The following RAG1 variants were observed in gnomAD, a reference collection of about 807,000 sequenced individuals.
RAG1 encodes recombination activating 1, also known as V(D)J recombination-activating protein 1.
In RAG1, 35 loss-of-function variants were observed where a neutral mutation model predicts 62.7. The ratio of observed to expected loss-of-function variants is 0.56; its 90% CI spans 0.43 to 0.74. The LOEUF (loss-of-function observed/expected upper bound fraction) is 0.74, where lower values mean the gene tolerates loss of function less well. Ranked by LOEUF, RAG1 falls within the 30% of genes least tolerant of loss-of-function variation. The pLI, the probability that RAG1 is intolerant of heterozygous loss-of-function variation, is 0.00. For synonymous variants in RAG1, 461 were observed against 470.3 expected, an observed-to-expected ratio of 0.98 and a Z score of 0.26; for missense variants, 1,169 against 1,278.6, an observed-to-expected ratio of 0.91 and a Z score of 1.31.
chr11:36,551,718 T>C (rs1850487844), intron 3 of RAG1, among the ~76,000 whole-genome samples: 1 of 143,256 alleles, frequency 7.0e-6, no homozygotes, highest in Non-Finnish European at 1.5e-5. Flanking sequence ...TAATGTGTCA[T>C]CTAGCATTAG....
In RAG1 at chr11:36,574,469, A is replaced by G; in HGVS notation, c.1165A>G (p.Ile389Val). The G allele has an allele frequency of 6.2e-7, 1 of 1,614,230 alleles. No individual in the cohort carries two copies. The highest frequency in any genetic ancestry group is 8.5e-7 in the Non-Finnish European group (1 of 1,180,038). The change falls in exon 2 of 2, where the codon ATT (isoleucine) becomes GTT (valine). Residue 389 changes from isoleucine (I) to valine (V), a missense_variant. Ile to Val is a conservative substitution (Grantham distance 29). This residue lies in a region of RAG1 where 800 missense variants were observed against 943.3 expected (regional missense o/e 0.85). Coordinates refer to ENST00000299440, the MANE Select transcript of RAG1 (RefSeq NM_000448.3). Reference sequence around the variant, plus strand: ...GGAATCAAAAGAGATTTTTGTGCACATTAATAAAGGGGGCCGGCCCCGCCA... The same window carrying G: ...GGAATCAAAAGAGATTTTTGTGCACGTTAATAAAGGGGGCCGGCCCCGCCA... ...HKESKEIFVH[I>V]NKGGRPRQHL...
chr11:36,521,252 C>A (rs1261185624), intron 2 of RAG1, among the ~76,000 whole-genome samples: 1 of 152,150 alleles, frequency 6.6e-6, no homozygotes, highest in African/African-American at 2.4e-5. Flanking sequence ...AGCCACTGCG[C>A]CTGGCCCAAA....
At chr11:36,570,603 C>T (rs891624458) in intron 1 of RAG1, among the ~76,000 whole-genome samples, 3 of 152,152 alleles carry the variant, frequency 2.0e-5, no homozygotes, top group African/African-American at 7.2e-5. Flanking sequence ...CCATACTATT[C>T]TTCATAGTGG....
chr11:36,575,747 A>G lies in RAG1; in HGVS notation c.2443A>G (p.Ile815Val). The stretch of plus-strand genomic sequence containing the variant: ...GTTCTACAAGATCTTCCAGCTAGAG[A>G]TAGGGGAAGTGTATAAGAATCCCAA... The part of the protein sequence containing the change: ...AEFYKIFQLE[I>V]GEVYKNPNAS... Residue 815 changes from isoleucine (I) to valine (V), a missense_variant, in exon 2 of 2, where the codon ATA (isoleucine) becomes GTA (valine). Ile to Val is a conservative substitution (Grantham distance 29, BLOSUM62 3). Around this residue, in one of 2 missense-constraint regions of RAG1, gnomAD observed 800 missense variants for 943.3 expected, o/e 0.85. Transcript: ENST00000299440. This position sits in a 1 kb window ranked among gnomAD's most constrained non-coding sequence, Gnocchi z 4.1. 1 of 1,614,216 alleles carries G rather than the reference A, an allele frequency of 6.2e-7. No individual in the cohort carries two copies. Among genetic ancestry groups the G allele is most frequent in the South Asian group, 1.1e-5 (1 of 91,088 alleles).
rs558234250 is a variant in RAG1, at chr11:36,520,380, C to T, written n.428+151C>T. On this transcript the variant is annotated intron_variant and non_coding_transcript_variant, in intron 2 of 2. Coordinates refer to the RAG1 transcript ENST00000529126. ...ATCTCCTGGGTTCAAGTGATTCTCC[C>T]GTCTCAGCCTCCCGAGTAGCTGGGA... 6.6e-5 allele frequency among the ~76,000 whole-genome samples: 10 copies of T among 152,002 alleles called. No homozygotes were observed. In the East Asian group the frequency reaches 1.5e-3, roughly 24 times the overall value.
downstream of RAG1, among the ~76,000 whole-genome samples, chr11:36,540,560 A>T (rs1860401197): frequency 6.6e-6 from 1 of 151,926 alleles, no homozygotes; most frequent in East Asian, 1.9e-4. Flanking sequence ...GCCCGCCACC[A>T]CGCATGGCTA....
intron 1 of RAG1, among the ~76,000 whole-genome samples, chr11:36,517,653 G>C (rs1483097473): frequency 6.6e-6 from 1 of 152,154 alleles, no homozygotes; most frequent in African/African-American, 2.4e-5. Flanking sequence ...ATATGGTGTG[G>C]TCGTTAATAC....
intron 1 of RAG1, among the ~76,000 whole-genome samples, chr11:36,568,895 G>C (rs369426827): frequency 6.6e-6 from 1 of 152,170 alleles, no homozygotes; most frequent in South Asian, 2.1e-4. Flanking sequence ...TTATAAAAAG[G>C]CTTTTTATTT....
rs199474690 is a variant in RAG1 at position 36,575,868 on chromosome 11, A to G, written c.2564A>G (p.Asn855Ser). 1.2e-6 allele frequency: 2 copies of G among 1,614,218 alleles called. No homozygotes were observed. Among genetic ancestry groups the G allele is most frequent in the Non-Finnish European group, 1.7e-6 (2 of 1,180,046 alleles). Residue 855 changes from asparagine (N) to serine (S), a missense_variant, in exon 2 of 2, where the codon AAC (asparagine) becomes AGC (serine). By Grantham distance (46) the Asn-to-Ser change is conservative. Around this residue, in one of 2 missense-constraint regions of RAG1, gnomAD observed 800 missense variants for 943.3 expected, o/e 0.85. Transcript: ENST00000299440. This position sits in a 1 kb window ranked among gnomAD's most constrained non-coding sequence, Gnocchi z 4.1. ...NLKPIMRMNG[N>S]FARKLMTKET... is the part of the protein sequence containing the mutation. ...AAACCAATCATGAGGATGAATGGCA[A>G]CTTTGCCAGGAAGCTCATGACCAAA...
chr11:36,576,634 TC>T lies in RAG1; in HGVS notation c.*200del, dbSNP rs1850857336. 4.9e-5 allele frequency: 32 copies of T among 651,970 alleles called. 1 individual carries two copies. In the South Asian group the frequency reaches 6.3e-4, roughly 13 times the overall value. 40.4% of individuals were successfully genotyped at this position (651,970 alleles called of 1,614,324 possible). A position where few individuals can be genotyped will look rare whatever the true frequency, so the allele number is the denominator to read the frequency against. Reference sequence around the variant, plus strand: ...TGATTGCTTGAGGCTTTTAGTGAGTTCCGAAAAGCAACAGGAAAAATCAGTT... The same window carrying T: ...TGATTGCTTGAGGCTTTTAGTGAGTTCGAAAAGCAACAGGAAAAATCAGTT... On this transcript the variant is annotated 3_prime_UTR_variant, in exon 2 of 2. Coordinates refer to ENST00000299440, the MANE Select transcript of RAG1 (RefSeq NM_000448.3).
In RAG1 at chr11:36,530,339, C is replaced by G. The variant is rs781463117; in HGVS notation, n.429-5620C>G. Among the ~76,000 whole-genome samples, 118 of 151,792 alleles carry G rather than the reference C, an allele frequency of 7.8e-4. 1 individual carries two copies. The highest frequency in any genetic ancestry group is 1.2e-4 in the Non-Finnish European group (8 of 67,844). ...TTCAATTTCATTGATTTCTGCTCCT[C>G]TTTTTATTACTTCTTTCCTTCTGCT... On this transcript the variant is annotated intron_variant and non_coding_transcript_variant, in intron 2 of 2. Transcript: ENST00000529126.
intron 3 of RAG1, among the ~76,000 whole-genome samples, chr11:36,544,192 T>C (rs1458564578): frequency 6.6e-6 from 1 of 152,140 alleles, no homozygotes; most frequent in Non-Finnish European, 1.5e-5. Flanking sequence ...GCAGATGTGA[T>C]CAAGTTAAAG....
chr11:36,540,086 G>A (rs1336629629), downstream of RAG1, among the ~76,000 whole-genome samples: 5 of 152,156 alleles, frequency 3.3e-5, no homozygotes, highest in East Asian at 1.9e-4. Flanking sequence ...AGGGCTGGTC[G>A]TGTGAACATT....
At position 36,575,429 on chromosome 11, in the gene RAG1, G is replaced by A. The variant is rs1850828988; in HGVS notation, c.2125G>A (p.Gly709Ser). ...RTFKFIFRGT[G>S]YDEKLVREVE... ...TTTCAAGTTCATCTTCAGGGGCACC[G>A]GCTATGATGAAAAACTTGTGCGGGA... Residue 709 changes from glycine (G) to serine (S), a missense_variant, in exon 2 of 2, where the codon GGC becomes AGC. Physicochemically the swap from Gly to Ser is moderately conservative, Grantham distance 56 (BLOSUM62 0). Around this residue, in one of 2 missense-constraint regions of RAG1, gnomAD observed 800 missense variants for 943.3 expected, o/e 0.85. Coordinates refer to ENST00000299440, the MANE Select transcript of RAG1 (RefSeq NM_000448.3). The surrounding 1 kb of genome is among the most constrained non-coding windows in gnomAD (Gnocchi z 4.1). 5.6e-6 allele frequency: 9 copies of A among 1,614,016 alleles called. No individual in the cohort carries two copies. Among genetic ancestry groups the A allele is most frequent in the African/African-American group, 4.0e-5 (3 of 74,928 alleles).
At position 36,579,663 on chromosome 11, in the gene RAG1, C is replaced by T. The variant is rs1434996806; in HGVS notation, c.*3227C>T. 1.2e-5 allele frequency: 2 copies of T among 165,862 alleles called. No homozygotes were observed. Among genetic ancestry groups the T allele is most frequent in the Non-Finnish European group, 2.9e-5 (2 of 67,922 alleles). 10.3% of individuals were successfully genotyped at this position (165,862 alleles called of 1,614,324 possible). A position where few individuals can be genotyped will look rare whatever the true frequency, so the allele number is the denominator to read the frequency against. The stretch of plus-strand genomic sequence containing the variant: ...TTCAAATAAAATGAAATATGAGTTT[C>T]AATACTTTTTATATTTTAATATTTC... On this transcript the variant is annotated 3_prime_UTR_variant, in exon 2 of 2. Transcript: ENST00000299440.
intron 2 of RAG1, among the ~76,000 whole-genome samples, chr11:36,535,064 G>A (rs1860306171): frequency 6.6e-6 from 1 of 152,098 alleles, no homozygotes; most frequent in East Asian, 1.9e-4. Flanking sequence ...ATAAAATTGT[G>A]TCATTTTGGA....
At position 36,578,251 on chromosome 11, in the gene RAG1, G is replaced by C. The variant is rs1368955808; in HGVS notation, c.*1815G>C. 1 of 166,988 alleles carries C rather than the reference G, an allele frequency of 6.0e-6. No individual in the cohort carries two copies. The highest frequency in any genetic ancestry group is 1.9e-4 in the East Asian group (1 of 5,198). 10.3% of individuals were successfully genotyped at this position (166,988 alleles called of 1,614,324 possible). A position where few individuals can be genotyped will look rare whatever the true frequency, so the allele number is the denominator to read the frequency against. On this transcript the variant is annotated 3_prime_UTR_variant, in exon 2 of 2. Coordinates refer to ENST00000299440, the MANE Select transcript of RAG1 (RefSeq NM_000448.3). ...GGTGCTTCTTCAGGGATTGAACTCA[G>C]TATCTTTCATTAAAAAACACAGCAG... is the stretch of plus-strand genomic sequence containing the variant.
chr11:36,527,852 C>T (rs1476696867), intron 2 of RAG1, among the ~76,000 whole-genome samples: 2 of 152,078 alleles, frequency 1.3e-5, no homozygotes, highest in Non-Finnish European at 1.5e-5. Context: ...TGGGAGTTCA[C>T]TCATGATTTG....
intron 2 of RAG1, among the ~76,000 whole-genome samples, chr11:36,527,480 A>C (rs1860182157): frequency 2.0e-5 from 3 of 152,144 alleles, no homozygotes; most frequent in Admixed American, 2.0e-4. Flanking sequence ...TGTTTTGGTT[A>C]CTGTAGCCTT....
Sources: gnomAD v4.1 joint callset for allele counts (sites outside exome capture counted in the v4.1 genomes callset) on GRCh38, gnomAD v4.1.1 for gene constraint, gnomAD v4.1.1 regional missense constraint, Gnocchi (gnomAD v3.1) non-coding constraint, MANE v1.5 for transcripts, NCBI Gene and HGNC (gene_info 2026-07-23, HGNC 2026-07-21) for gene names.